Variants in IL2RB observed in about 807,000 individuals in gnomAD.
The protein encoded by IL2RB is interleukin-2 receptor subunit beta.
Under a neutral mutation model 44.2 loss-of-function variants are expected in IL2RB, and 17 were observed. The ratio of observed to expected loss-of-function variants is 0.38; its 90% CI spans 0.26 to 0.58. The LOEUF (loss-of-function observed/expected upper bound fraction) is 0.58, where lower values mean the gene tolerates loss of function less well. Ranked by LOEUF, IL2RB falls within the 20% of genes least tolerant of loss-of-function variation. The pLI is 0.63. For synonymous variants in IL2RB, 286 were observed against 297.9 expected, an observed-to-expected ratio of 0.96 and a Z score of 0.41; for missense variants, 624 against 685.5, an observed-to-expected ratio of 0.91 and a Z score of 1.00.
Position 37,132,643 on chromosome 22 carries a change from A to G in IL2RB, c.819-175T>C, listed in dbSNP as rs185452475. The stretch of plus-strand genomic sequence containing the variant: ...GAGGACGCTGTGTTGGGCACTGGGG[A>G]GACAAGAATGGCCAACAAAGGAGGT... On this transcript the variant is annotated intron_variant, in intron 8 of 9. Coordinates refer to ENST00000216223, the MANE Select transcript of IL2RB (RefSeq NM_000878.5). Among the ~76,000 whole-genome samples the G allele has an allele frequency of 5.4e-4, 82 of 152,320 alleles. No individual in the cohort carries two copies. In the East Asian group the frequency reaches 0.015, roughly 28 times the overall value.
At position 37,126,307 on chromosome 22, in the gene IL2RB, G is replaced by A. The variant is rs1186639674; in HGVS notation, c.*1789C>T. The stretch of plus-strand genomic sequence containing the variant: ...AAGACTCAGACAACCTCAAGAAAGG[G>A]GAGTTTATTTTGGATATAAAGGCAA... On this transcript the variant is annotated 3_prime_UTR_variant, in exon 10 of 10. Transcript: ENST00000216223. 6.6e-6 allele frequency: 1 copy of A among 152,196 alleles called. No individual in the cohort carries two copies. Among genetic ancestry groups the A allele is most frequent in the East Asian group, 1.9e-4 (1 of 5,202 alleles). 9.4% of individuals were successfully genotyped at this position (152,196 alleles called of 1,614,324 possible).
chr22:37,167,441 C>T (rs1923123689), intron 1 of IL2RB, among the ~76,000 whole-genome samples: 2 of 152,262 alleles, frequency 1.3e-5, no homozygotes, highest in Non-Finnish European at 2.9e-5. Context: ...CCCAACATTT[C>T]CTGCTGCACT....
At chr22:37,129,191 G>A (rs1921296993) in intron 9 of IL2RB, among the ~76,000 whole-genome samples, 1 of 152,208 alleles carries the variant, frequency 6.6e-6, no homozygotes, top group Admixed American at 6.5e-5. Context: ...GGGGACCCAG[G>A]AAAGGAGAGA....
chr22:37,158,324 C>T lies in IL2RB; in HGVS notation c.-33-14119G>A, dbSNP rs373335095. On this transcript the variant is annotated intron_variant, in intron 1 of 5. Coordinates refer to the IL2RB transcript ENST00000429622. ...CAGCACTTTGGCAGGCTGAGGCGGG[C>T]GGATCACGAGGTCAGGAGATCGAGA... Among the ~76,000 whole-genome samples the T allele has an allele frequency of 1.2e-4, 18 of 151,924 alleles. No individual in the cohort carries two copies. The South Asian group carries it at 2.1e-3, about 18-fold the overall frequency.
At position 37,149,866 on chromosome 22, in the gene IL2RB, C is replaced by T. The variant is rs1292559816; in HGVS notation, c.-75G>A. 5.1e-6 allele frequency: 5 copies of T among 985,622 alleles called. No homozygotes were observed. The highest frequency in any genetic ancestry group is 2.3e-4 in the East Asian group (2 of 8,834). The allele number at this position is 985,622 out of a possible 1,614,324, so 61.1% of individuals were successfully genotyped here. A position where few individuals can be genotyped will look rare whatever the true frequency, so the allele number is the denominator to read the frequency against. On this transcript the variant is annotated 5_prime_UTR_variant, in exon 1 of 10. Transcript: ENST00000216223. ...GCGGTGGCAGCGCGCGCTCTCCAGT[C>T]CTCCCCGGTGCTGGGACCGTGGCCA...
At chr22:37,153,246 C>T (rs1322050739), upstream of IL2RB, among the ~76,000 whole-genome samples, 1 of 152,088 alleles carries the variant, frequency 6.6e-6, no homozygotes, top group Non-Finnish European at 1.5e-5. Flanking sequence ...GCCACCTCTT[C>T]TGAGAAGAAG....
chr22:37,160,883 T>C (rs1443098628), intron 1 of IL2RB, among the ~76,000 whole-genome samples: 2 of 151,760 alleles, frequency 1.3e-5, no homozygotes, highest in Non-Finnish European at 2.9e-5. Flanking sequence ...GGCTCACACC[T>C]GTAATCCCAG....
At chr22:37,130,663 G>A (rs1921380449) in intron 9 of IL2RB, among the ~76,000 whole-genome samples, 1 of 152,246 alleles carries the variant, frequency 6.6e-6, no homozygotes, top group Admixed American at 6.5e-5. Flanking sequence ...TCACGATGTT[G>A]TAGGTTCATA....
At position 37,128,424 on chromosome 22, in the gene IL2RB, G is replaced by T; in HGVS notation, c.1328C>A (p.Thr443Asn). Residue 443 changes from threonine to asparagine, a missense_variant, in exon 10 of 10, where the codon ACT (threonine) becomes AAT (asparagine). By Grantham distance (65) the Thr-to-Asn change is moderately conservative (BLOSUM62 0). Coordinates refer to ENST00000216223, the MANE Select transcript of IL2RB (RefSeq NM_000878.5). The surrounding 1 kb of genome is among the most constrained non-coding windows in gnomAD (Gnocchi z 4.5). ...SLLGGPSPPS[T>N]APGGSGAGEE... is the part of the protein sequence containing the mutation. ...ACCGGCCCCACTGCCCCCAGGGGCAGTGCTTGGGGGGCTGGGGCCACCGAG... is the reference window on the plus strand; with the variant it reads ...ACCGGCCCCACTGCCCCCAGGGGCATTGCTTGGGGGGCTGGGGCCACCGAG... The T allele has an allele frequency of 6.5e-7, 1 of 1,528,626 alleles. No individual in the cohort carries two copies. The highest frequency in any genetic ancestry group is 8.8e-7 in the Non-Finnish European group (1 of 1,137,192). 94.7% of individuals were successfully genotyped at this position (1,528,626 alleles called of 1,614,324 possible). A position where few individuals can be genotyped will look rare whatever the true frequency, so the allele number is the denominator to read the frequency against.
intron 7 of IL2RB, 26 bp downstream of exon 7, chr22:37,136,202 C>T (rs1264109404): frequency 1.3e-6 from 2 of 1,595,190 alleles, no homozygotes; most frequent in Admixed American, 1.7e-5. Context: ...CCTGAGCCCC[C>T]TCTCACCCTT....
Position 37,132,485 on chromosome 22 carries a change from A to G in IL2RB, c.819-17T>C. ...TTCTTCAGCCTGGACAGAGGAGAGG[A>G]GGGAAGGAGGAGGGTGAGAAAGGGA... On this transcript the variant is annotated splice_polypyrimidine_tract_variant and intron_variant, in intron 8 of 9. Transcript: ENST00000216223. 1.2e-6 allele frequency: 2 copies of G among 1,602,240 alleles called. No individual in the cohort carries two copies. The highest frequency in any genetic ancestry group is 1.3e-5 in the African/African-American group (1 of 74,750).
rs1026620647 is a variant in IL2RB at position 37,170,207 on chromosome 22, C to T, written c.-34+4751G>A. On this transcript the variant is annotated intron_variant, in intron 1 of 5. Transcript: ENST00000429622. ...GAATAATAAGACTCTTTCAGGAAGG[C>T]CAGAACACAGCAGAAAGGCCCTGAA... Among the ~76,000 whole-genome samples the T allele has an allele frequency of 7.9e-5, 12 of 152,120 alleles. No homozygotes were observed. The South Asian group carries it at 1.9e-3, about 24-fold the overall frequency.
intron 8 of IL2RB, among the ~76,000 whole-genome samples, chr22:37,134,475 G>C (rs3218311): frequency 6.6e-6 from 1 of 152,144 alleles, no homozygotes; most frequent in African/African-American, 2.4e-5. Flanking sequence ...GCACGGTGGC[G>C]TGTGCCTGTA....
At chr22:37,160,597 CGTGAAAGG>C (rs1922824029) in intron 1 of IL2RB, among the ~76,000 whole-genome samples, 2 of 151,298 alleles carry the variant, frequency 1.3e-5, no homozygotes, top group African/African-American at 4.9e-5. Context: ...TTTTTAAAAA[CGTGAAAGG>C]CCAAGGCGGG....
At chr22:37,137,247 G>A (rs1005440313) in intron 6 of IL2RB, among the ~76,000 whole-genome samples, 3 of 152,234 alleles carry the variant, frequency 2.0e-5, no homozygotes, top group Admixed American at 6.5e-5. Context: ...CAACAGGCCC[G>A]CACGGATGTG....
chr22:37,139,045 A>G, intron 5 of IL2RB, 72 bp downstream of exon 5: 3 of 968,408 alleles, frequency 3.1e-6, no homozygotes, highest in Non-Finnish European at 5.0e-6. Context: ...TGGAGCAGGG[A>G]AGATCCCAGA....
chr22:37,172,566 G>A (rs1923325963), intron 1 of IL2RB, among the ~76,000 whole-genome samples: 1 of 152,168 alleles, frequency 6.6e-6, no homozygotes. Context: ...GAGAAGAGGG[G>A]AACTTGTGAG....
At chr22:37,156,022 C>T (rs1922668773) in intron 1 of IL2RB, among the ~76,000 whole-genome samples, 1 of 152,202 alleles carries the variant, frequency 6.6e-6, no homozygotes, top group African/African-American at 2.4e-5. Context: ...AGCCAGACTG[C>T]ATCCTCCTCA....
intron 9 of IL2RB, among the ~76,000 whole-genome samples, chr22:37,130,063 A>C (rs758145405): frequency 2.6e-5 from 4 of 152,250 alleles, no homozygotes; most frequent in Non-Finnish European, 4.4e-5. Flanking sequence ...GCACACATGC[A>C]CACACGTGCA....
Sources: gnomAD v4.1 joint callset for allele counts (sites outside exome capture counted in the v4.1 genomes callset) on GRCh38, gnomAD v4.1.1 for gene constraint, Gnocchi (gnomAD v3.1) non-coding constraint, MANE v1.5 for transcripts, NCBI Gene and HGNC (gene_info 2026-07-23, HGNC 2026-07-21) for gene names.